The following FAM184A variants were observed in gnomAD, a reference collection of about 807,000 sequenced individuals.
FAM184A encodes protein FAM184A.
Under a neutral mutation model 143.8 loss-of-function variants are expected in FAM184A, and 99 were observed. The ratio of observed to expected loss-of-function variants is 0.69; its 90% CI spans 0.58 to 0.81. FAM184A has a LOEUF of 0.81. Ranked by LOEUF, FAM184A falls within the 40% of genes least tolerant of loss-of-function variation. The pLI is 0.00. For missense variants in FAM184A, 1,217 were observed against 1,310.5 expected, an observed-to-expected ratio of 0.93 and a Z score of 1.10; for synonymous variants, 427 against 446.4, an observed-to-expected ratio of 0.96 and a Z score of 0.55.
chr6:119,035,325 T>C (rs1786068339), intron 1 of FAM184A, among the ~76,000 whole-genome samples: 1 of 152,138 alleles, frequency 6.6e-6, no homozygotes, highest in African/African-American at 2.4e-5. Flanking sequence ...CTCCTCCCAC[T>C]GGAATTCAGG....
intron 1 of FAM184A, among the ~76,000 whole-genome samples, chr6:119,112,342 G>A (rs1219735268): frequency 1.3e-5 from 2 of 152,016 alleles, no homozygotes; most frequent in South Asian, 4.1e-4. Flanking sequence ...TGGTCAAGCT[G>A]GTCTCGAACT....
intron 5 of FAM184A, among the ~76,000 whole-genome samples, chr6:119,015,458 T>G (rs987843380): frequency 6.6e-6 from 1 of 152,104 alleles, no homozygotes; most frequent in Non-Finnish European, 1.5e-5. Flanking sequence ...AGTGAGGGGC[T>G]TAGCACCCGG....
At chr6:119,119,879 G>A (rs1194842903) in intron 1 of FAM184A, among the ~76,000 whole-genome samples, 2 of 152,106 alleles carry the variant, frequency 1.3e-5, no homozygotes, top group East Asian at 3.8e-4. Context: ...GTAGTCCCAG[G>A]AGGCTGAGTT....
At chr6:119,077,699 G>GAT (rs919902905) in intron 1 of FAM184A, among the ~76,000 whole-genome samples, 1 of 152,192 alleles carries the variant, frequency 6.6e-6, no homozygotes, top group African/African-American at 2.4e-5. Flanking sequence ...TCTGAAAGTT[G>GAT]ATTCTTCCCT....
intron 1 of FAM184A, among the ~76,000 whole-genome samples, chr6:119,146,397 C>CGTGTGT (rs60937351): frequency 0.049 from 6,674 of 136,288 alleles, 193 homozygotes; most frequent in Non-Finnish European, 0.058. Flanking sequence ...GATTAACTTA[C>CGTGTGT]GTGTGTGTGT....
Position 119,023,081 on chromosome 6 carries a change from C to G in FAM184A, c.1015-1G>C, listed in dbSNP as rs1178197226. The G allele has an allele frequency of 6.2e-7, 1 of 1,613,826 alleles. No individual in the cohort carries two copies. The highest frequency in any genetic ancestry group is 8.5e-7 in the Non-Finnish European group (1 of 1,179,910). On this transcript the variant is annotated splice_acceptor_variant, in intron 2 of 17. Coordinates refer to ENST00000338891, the MANE Select transcript of FAM184A (RefSeq NM_024581.6). LOFTEE classifies it high-confidence loss of function. ...CATCATCAAGCTGTTTTTGAAGAAC[C>G]TAAGAAAGATTAAATAGCCATTGTT...
intron 14 of FAM184A, among the ~76,000 whole-genome samples, chr6:118,970,160 C>T (rs903193602): frequency 3.2e-4 from 48 of 149,728 alleles, no homozygotes; most frequent in Non-Finnish European, 4.4e-5. Flanking sequence ...TCTGCCACCA[C>T]ACTCGGCTAA....
At position 118,964,865 on chromosome 6, in the gene FAM184A, A is replaced by G. The variant is rs1783449116; in HGVS notation, c.3034-94T>C. On this transcript the variant is annotated intron_variant, in intron 15 of 17. Transcript: ENST00000338891. ...AACGCCATTTCATTTAAAATTTACT[A>G]TAAAACCTGAATGAAGATTTAGATA... The G allele has an allele frequency of 2.2e-5, 14 of 633,498 alleles. No individual in the cohort carries two copies. The South Asian group carries it at 2.5e-4, about 12-fold the overall frequency. The allele number at this position is 633,498 out of a possible 1,614,324, so 39.2% of individuals were successfully genotyped here. A position where few individuals can be genotyped will look rare whatever the true frequency, so the allele number is the denominator to read the frequency against.
rs117067236 is a variant in FAM184A, at chr6:118,985,618, C to T, written c.2089-5268G>A. Among the ~76,000 whole-genome samples, 1,135 of 152,252 alleles carry T rather than the reference C, an allele frequency of 7.5e-3. 6 individuals are homozygous for T. The highest frequency in any genetic ancestry group is 0.024 in the South Asian group (116 of 4,816). On this transcript the variant is annotated intron_variant, in intron 9 of 17. Transcript: ENST00000338891. Reference sequence around the variant, plus strand: ...GTCCCTCACTTCTACAACAGCTGTTCTCCCTCCTTCCTTTCTTCCCAGTTG... The same window carrying T: ...GTCCCTCACTTCTACAACAGCTGTTTTCCCTCCTTCCTTTCTTCCCAGTTG...
At chr6:118,975,557 G>T (rs1414230695) in intron 12 of FAM184A, among the ~76,000 whole-genome samples, 1 of 152,206 alleles carries the variant, frequency 6.6e-6, no homozygotes, top group Non-Finnish European at 1.5e-5. Context: ...AGTTTTACAT[G>T]ATTTTGAAGA....
At chr6:119,126,960 C>T (rs1562160938) in intron 1 of FAM184A, among the ~76,000 whole-genome samples, 1 of 152,212 alleles carries the variant, frequency 6.6e-6, no homozygotes, top group African/African-American at 2.4e-5. Flanking sequence ...AGTCAAGCTG[C>T]TTCTCCCCGA....
chr6:119,133,440 G>A (rs1789586418), intron 1 of FAM184A, among the ~76,000 whole-genome samples: 2 of 152,158 alleles, frequency 1.3e-5, no homozygotes, highest in Non-Finnish European at 1.5e-5. Context: ...AGGAAAGGAA[G>A]GAAGTAGGAT....
At chr6:119,082,948 C>A (rs1788112565), upstream of FAM184A, among the ~76,000 whole-genome samples, 1 of 152,254 alleles carries the variant, frequency 6.6e-6, no homozygotes, top group Non-Finnish European at 1.5e-5. Context: ...TCCATGAGGA[C>A]TCAACCCCTG....
chr6:119,126,863 A>T (rs993742293), intron 1 of FAM184A, among the ~76,000 whole-genome samples: 3 of 152,102 alleles, frequency 2.0e-5, no homozygotes, highest in Non-Finnish European at 4.4e-5. Flanking sequence ...GAGCTGGAAA[A>T]GGGATGGAGT....
At chr6:119,023,371 T>A (rs1785514509) in intron 2 of FAM184A, among the ~76,000 whole-genome samples, 2 of 152,150 alleles carry the variant, frequency 1.3e-5, no homozygotes, top group African/African-American at 4.8e-5. Context: ...TTCCGGCATT[T>A]TTTTCCCCCA....
chr6:118,964,788 T>C lies in FAM184A; in HGVS notation c.3034-17A>G, dbSNP rs374741756. On this transcript the variant is annotated splice_polypyrimidine_tract_variant and intron_variant, in intron 15 of 17. Coordinates refer to ENST00000338891, the MANE Select transcript of FAM184A (RefSeq NM_024581.6). ...ATTATCCTCCTATGCAAAAGAATTA[T>C]AAACATCTTTTAAATATTTTCTATG... 3.9e-6 allele frequency: 5 copies of C among 1,296,350 alleles called. No homozygotes were observed. The highest frequency in any genetic ancestry group is 5.5e-6 in the Non-Finnish European group (5 of 905,684). The allele number at this position is 1,296,350 out of a possible 1,614,324, so 80.3% of individuals were successfully genotyped here. A position where few individuals can be genotyped will look rare whatever the true frequency, so the allele number is the denominator to read the frequency against.
At position 118,994,685 on chromosome 6, in the gene FAM184A, C is replaced by CAAAATAAA. The variant is rs1216975902; in HGVS notation, c.2088+8213_2088+8214insTTTATTTT. 3.5e-3 allele frequency among the ~76,000 whole-genome samples: 480 copies of CAAAATAAA among 137,676 alleles called. 11 individuals are homozygous for CAAAATAAA. Among genetic ancestry groups the CAAAATAAA allele is most frequent in the African/African-American group, 9.7e-3 (356 of 36,730 alleles). 90.3% of individuals were successfully genotyped at this position (137,676 alleles called of 152,430 possible). ...TGGGCAACAGAGCGAGACTCCATCTCTAAATAAATAAATAAATAAATAAAT... is the reference window on the plus strand; with the variant it reads ...TGGGCAACAGAGCGAGACTCCATCTCAAAATAAATAAATAAATAAATAAATAAATAAAT... On this transcript the variant is annotated intron_variant, in intron 9 of 17. Transcript: ENST00000338891.
chr6:119,132,362 G>T (rs1789556572), intron 1 of FAM184A, among the ~76,000 whole-genome samples: 1 of 152,174 alleles, frequency 6.6e-6, no homozygotes, highest in Non-Finnish European at 1.5e-5. Flanking sequence ...AAGCTGGTTG[G>T]CAGCAAATCG....
intron 1 of FAM184A, among the ~76,000 whole-genome samples, chr6:119,048,633 G>T (rs1786626398): frequency 1.3e-5 from 2 of 152,052 alleles, no homozygotes; most frequent in Non-Finnish European, 2.9e-5. Flanking sequence ...GTTCACAATT[G>T]CCACAAAAAG....
Sources: gnomAD v4.1 joint callset for allele counts (sites outside exome capture counted in the v4.1 genomes callset) on GRCh38, gnomAD v4.1.1 for gene constraint, MANE v1.5 for transcripts, NCBI Gene and HGNC (gene_info 2026-07-23, HGNC 2026-07-21) for gene names.